CD99L2: variants seen among roughly 807,000 people sequenced by gnomAD.
CD99L2 encodes CD99 molecule like 2, also known as CD99 antigen-like protein 2.
A neutral mutation model predicts 27.3 loss-of-function variants in CD99L2; 24 were observed. The observed-to-expected ratio is 0.88, with a 90% CI of 0.64 to 1.24. The LOEUF is 1.24. Ranked by LOEUF, CD99L2 falls within the 50% of genes most tolerant of loss-of-function variation. The pLI is 0.00. For synonymous variants in CD99L2, 97 were observed against 87.9 expected (o/e 1.10, Z -0.58); for missense variants, 255 against 221.6 (o/e 1.15, Z -0.96).
chrX:150,862,929 A>T (rs1327139984), intron 1 of CD99L2, among the ~76,000 whole-genome samples: 1 of 111,945 alleles, frequency 8.9e-6, no homozygotes, highest in Non-Finnish European at 1.9e-5. Flanking sequence ...CAGGTGCCCA[A>T]CTTTGTTCTT....
At chrX:150,772,960 G>A (rs938542086) in intron 9 of CD99L2, among the ~76,000 whole-genome samples, 7 of 112,213 alleles carry the variant, frequency 6.2e-5, no homozygotes, top group Admixed American at 1.9e-4. Context: ...GAGCTGCCCC[G>A]CTTTGCCTGC....
At chrX:150,778,024 C>T (rs1181638295) in intron 7 of CD99L2, among the ~76,000 whole-genome samples, 2 of 111,905 alleles carry the variant, frequency 1.8e-5, no homozygotes, top group Non-Finnish European at 3.8e-5. Flanking sequence ...TGAATGCTGG[C>T]AGGGGCTGGT....
chrX:150,842,528 C>T (rs2046637372), intron 1 of CD99L2, among the ~76,000 whole-genome samples: 1 of 111,677 alleles, frequency 9.0e-6, no homozygotes, highest in African/African-American at 3.3e-5. Context: ...ATTTGATGGG[C>T]CCCTTAAGTA....
rs200116097 is a variant in CD99L2, at chrX:150,776,154, G to A, written c.655+20C>T. On this transcript the variant is annotated intron_variant, in intron 9 of 10. Transcript: ENST00000370377. The stretch of plus-strand genomic sequence containing the variant: ...ACCTTGCCAGCTGGTTCCTAGCCAC[G>A]AGTGGGTGGCTGCACTTACGCTGAA... 80 of 1,206,057 alleles carry A rather than the reference G, an allele frequency of 6.6e-5. No individual in the cohort carries two copies. Among genetic ancestry groups the A allele is most frequent in the South Asian group, 3.4e-4 (19 of 55,948 alleles).
chrX:150,825,235 T>G (rs1405595035), intron 2 of CD99L2, among the ~76,000 whole-genome samples: 11 of 112,411 alleles, frequency 9.8e-5, no homozygotes, highest in Non-Finnish European at 1.7e-4. Context: ...CAATTGCCAC[T>G]TATGTAAATA....
At chrX:150,823,248 C>T (rs2046266905) in intron 2 of CD99L2, among the ~76,000 whole-genome samples, 1 of 111,797 alleles carries the variant, frequency 8.9e-6, no homozygotes, top group Non-Finnish European at 1.9e-5. Flanking sequence ...TAACAGAATA[C>T]CTGAAACTGG....
intron 1 of CD99L2, among the ~76,000 whole-genome samples, chrX:150,833,766 C>T (rs2046481971): frequency 9.0e-6 from 1 of 111,474 alleles, no homozygotes; most frequent in South Asian, 3.7e-4. Flanking sequence ...ATACCATATA[C>T]AAAAATTAAC....
At chrX:150,809,896 C>A (rs1455519937) in intron 4 of CD99L2, among the ~76,000 whole-genome samples, 1 of 111,814 alleles carries the variant, frequency 8.9e-6, no homozygotes, top group African/African-American at 3.3e-5. Context: ...ATAAAAGAAT[C>A]AATCCACTAG....
intron 4 of CD99L2, among the ~76,000 whole-genome samples, chrX:150,805,145 G>A (rs782600395): frequency 8.0e-5 from 9 of 111,850 alleles, no homozygotes; most frequent in South Asian, 3.7e-4. Flanking sequence ...CTGAGATGGC[G>A]CCATTGCACT....
rs1226462410 is a variant in CD99L2 at position 150,778,685 on chromosome X, A to AAAT, written c.497-1204_497-1203insATT. 3.7e-3 allele frequency among the ~76,000 whole-genome samples: 302 copies of AAAT among 81,504 alleles called. 3 individuals are homozygous for AAAT. Among genetic ancestry groups the AAAT allele is most frequent in the African/African-American group, 0.014 (284 of 20,385 alleles). 70.8% of individuals were successfully genotyped at this position (81,504 alleles called of 115,157 possible). A position where few individuals can be genotyped will look rare whatever the true frequency, so the allele number is the denominator to read the frequency against. On this transcript the variant is annotated intron_variant, in intron 7 of 10. Transcript: ENST00000370377. The stretch of plus-strand genomic sequence containing the variant: ...ACTTAAAGTATAATAAAAAAAAAAA[A>AAAT]ATATATATATATATATATATATATA...
intron 10 of CD99L2, among the ~76,000 whole-genome samples, 199 bp from the exon 11 acceptor site, chrX:150,769,300 C>G (rs1557418867): frequency 8.9e-6 from 1 of 111,968 alleles, no homozygotes; most frequent in African/African-American, 3.3e-5. Flanking sequence ...TGGACAGGCT[C>G]TGGAAACAGC....
intron 7 of CD99L2, among the ~76,000 whole-genome samples, chrX:150,791,349 C>T (rs1235779412): frequency 5.4e-5 from 6 of 111,411 alleles, no homozygotes; most frequent in Non-Finnish European, 1.1e-4. Flanking sequence ...ATTCTCTTTC[C>T]CAGTGAAAGA....
intron 6 of CD99L2, among the ~76,000 whole-genome samples, chrX:150,794,770 A>T (rs182910370): frequency 2.0e-3 from 222 of 111,615 alleles, no homozygotes; most frequent in Non-Finnish European, 2.6e-3. Flanking sequence ...CCAAAACAAC[A>T]TCTCACGATG....
rs371443338 is a variant in CD99L2 at position 150,895,899 on chromosome X, G to A, written c.67+2623C>T. 1.4e-4 allele frequency among the ~76,000 whole-genome samples: 15 copies of A among 108,991 alleles called. No homozygotes were observed. The South Asian group carries it at 2.8e-3, about 21-fold the overall frequency. 94.6% of individuals were successfully genotyped at this position (108,991 alleles called of 115,157 possible). A position where few individuals can be genotyped will look rare whatever the true frequency, so the allele number is the denominator to read the frequency against. ...AAAGTTAGCCGGTGTGGTGGCTGGC[G>A]CCTGTAGTCCCAGCTACTCAGGAGG... On this transcript the variant is annotated intron_variant, in intron 1 of 10. Transcript: ENST00000370377.
chrX:150,863,886 C>G (rs1217396569), intron 1 of CD99L2, among the ~76,000 whole-genome samples: 2 of 111,824 alleles, frequency 1.8e-5, no homozygotes, highest in Non-Finnish European at 3.8e-5. Flanking sequence ...AGTGATGCAG[C>G]TGCAAGCTGA....
intron 6 of CD99L2, among the ~76,000 whole-genome samples, chrX:150,794,175 G>A (rs1276912742): frequency 1.3e-4 from 15 of 111,484 alleles, no homozygotes; most frequent in East Asian, 2.8e-4. Context: ...CAACAGAGTC[G>A]GTCGGTCTCT....
intron 1 of CD99L2, among the ~76,000 whole-genome samples, chrX:150,843,857 T>C (rs781864667): frequency 1.8e-5 from 2 of 110,757 alleles, no homozygotes; most frequent in East Asian, 5.6e-4. Context: ...CACCTGCCTG[T>C]CATCTGGGCT....
At chrX:150,819,206 C>T (rs782019897) in intron 2 of CD99L2, 2 of 367,533 alleles carry the variant, frequency 5.4e-6, no homozygotes, top group Non-Finnish European at 1.1e-5. Context: ...AATGGCAAGA[C>T]CAGCAAGAAG....
intron 4 of CD99L2, 108 bp from the exon 5 acceptor site, chrX:150,795,594 G>C: frequency 1.3e-6 from 1 of 774,939 alleles, no homozygotes; most frequent in Non-Finnish European, 1.9e-6. Flanking sequence ...CTTGGTCCTT[G>C]AGGCTCCTAT....
Sources: allele counts gnomAD v4.1 joint callset (sites outside exome capture counted in the v4.1 genomes callset), GRCh38; gene constraint gnomAD v4.1.1; transcripts MANE v1.5; gene names NCBI Gene and HGNC (gene_info 2026-07-23, HGNC 2026-07-21).